Variants in SNRPF observed in about 807,000 individuals in gnomAD.
SNRPF encodes small nuclear ribonucleoprotein polypeptide F.
Under a neutral mutation model 13.4 loss-of-function variants are expected in SNRPF, and 1 was observed. That is an observed-to-expected ratio of 0.07 (90% confidence interval 0.03 to 0.35). The LOEUF (loss-of-function observed/expected upper bound fraction) is 0.35. SNRPF is among the 10% of genes least tolerant of loss of function. The pLI, the probability that SNRPF is intolerant of heterozygous loss-of-function variation, is 0.99. For synonymous variants in SNRPF, 27 were observed against 32.1 expected, an observed-to-expected ratio of 0.84 and a Z score of 0.54; for missense variants, 53 against 101.0, an observed-to-expected ratio of 0.52 and a Z score of 2.04.
At chr12:95,862,414 T>C (rs1372034780) in intron 2 of SNRPF, among the ~76,000 whole-genome samples, 2 of 152,166 alleles carry the variant, frequency 1.3e-5, no homozygotes, top group Non-Finnish European at 2.9e-5. Context: ...GGTAATTCTA[T>C]GTTTAATTTT....
Position 95,865,956 on chromosome 12 carries a change from A to C in SNRPF, c.195-49A>C, listed in dbSNP as rs756846912. The C allele has an allele frequency of 5.1e-6, 4 of 786,486 alleles. No individual in the cohort carries two copies. In the African/African-American group the frequency reaches 7.1e-5, roughly 14 times the overall value. The allele number at this position is 786,486 out of a possible 1,614,324, so 48.7% of individuals were successfully genotyped here. A position where few individuals can be genotyped will look rare whatever the true frequency, so the allele number is the denominator to read the frequency against. ...TAATAAAAATATAGTAATTCATATCATACATGGTTTCTGGTTGGAACAACA... is the reference window on the plus strand; with the variant it reads ...TAATAAAAATATAGTAATTCATATCCTACATGGTTTCTGGTTGGAACAACA... On this transcript the variant is annotated intron_variant, in intron 3 of 3. Coordinates refer to ENST00000266735, the MANE Select transcript of SNRPF (RefSeq NM_003095.5).
intron 3 of SNRPF, 56 bp downstream of exon 3, chr12:95,865,444 G>A (rs1441681582): frequency 5.3e-6 from 4 of 757,844 alleles, no homozygotes; most frequent in South Asian, 1.9e-5. Flanking sequence ...AGGAATACCT[G>A]TTCTAAATAT....
In SNRPF at chr12:95,866,052, A is replaced by G; in HGVS notation, c.242A>G (p.Asp81Gly). The change falls in exon 4 of 4, where the codon GAT becomes GGT. Residue 81 changes from aspartate (D) to glycine (G), a missense_variant. By Grantham distance (94) the Asp-to-Gly change is moderately conservative (BLOSUM62 -1). Transcript: ENST00000266735. ...YIRGVEEEEE[D>G]GEMRE ...AGAGGTGTGGAAGAAGAGGAAGAAG[A>G]TGGGGAAATGAGAGAATAGCATCTT... 1 of 1,526,284 alleles carries G rather than the reference A, an allele frequency of 6.6e-7. No individual in the cohort carries two copies. The highest frequency in any genetic ancestry group is 9.0e-7 in the Non-Finnish European group (1 of 1,112,844). 94.5% of individuals were successfully genotyped at this position (1,526,284 alleles called of 1,614,324 possible). A position where few individuals can be genotyped will look rare whatever the true frequency, so the allele number is the denominator to read the frequency against.
Position 95,859,053 on chromosome 12 carries a change from C to T in SNRPF, c.-21C>T. 1 of 1,612,810 alleles carries T rather than the reference C, an allele frequency of 6.2e-7. No homozygotes were observed. Among genetic ancestry groups the T allele is most frequent in the Non-Finnish European group, 8.5e-7 (1 of 1,179,676 alleles). ...GGCCTGGTCGGCAGAGAGTAGCCTG[C>T]AACATTCGGCCGTGGTTACGATGGT... On this transcript the variant is annotated 5_prime_UTR_variant, in exon 1 of 4. Coordinates refer to ENST00000266735, the MANE Select transcript of SNRPF (RefSeq NM_003095.5).
At chr12:95,862,845 G>A (rs890781364) in intron 2 of SNRPF, among the ~76,000 whole-genome samples, 26 of 152,126 alleles carry the variant, frequency 1.7e-4, no homozygotes, top group African/African-American at 4.6e-4. Context: ...TTATAAAATA[G>A]TTATTCTAAT....
intron 1 of SNRPF, 141 bp downstream of exon 1, chr12:95,859,217 C>A: frequency 1.5e-6 from 1 of 676,164 alleles, no homozygotes; most frequent in Non-Finnish European, 2.5e-6. Context: ...TCCTTTCACT[C>A]TGCTTTTAGG....
intron 1 of SNRPF, 23 bp downstream of exon 1, chr12:95,859,099 G>T (rs758179748): frequency 6.3e-6 from 10 of 1,599,870 alleles, no homozygotes; most frequent in Non-Finnish European, 8.6e-6. Flanking sequence ...AGAACGGCGG[G>T]AGAAGCGGGG....
intron 1 of SNRPF, among the ~76,000 whole-genome samples, chr12:95,859,700 G>A (rs947508720): frequency 1.3e-5 from 2 of 152,146 alleles, no homozygotes; most frequent in Non-Finnish European, 2.9e-5. Context: ...AAGAAAGCTT[G>A]GTCATTTGGA....
At chr12:95,862,838 T>A (rs1251000250) in intron 2 of SNRPF, among the ~76,000 whole-genome samples, 2 of 152,222 alleles carry the variant, frequency 1.3e-5, no homozygotes, top group African/African-American at 4.8e-5. Context: ...TGGGTGTTTA[T>A]AAAATAGTTA....
chr12:95,861,133 A>G, intron 1 of SNRPF, 35 bp from the exon 2 acceptor site: 3 of 1,578,076 alleles, frequency 1.9e-6, no homozygotes, highest in South Asian at 1.1e-5. Flanking sequence ...GGGAGGAAAA[A>G]TAATTAATTA....
rs1378507671 is a variant in SNRPF, at chr12:95,859,031, C to G, written c.-43C>G. On this transcript the variant is annotated 5_prime_UTR_variant, in exon 1 of 4. Coordinates refer to ENST00000266735, the MANE Select transcript of SNRPF (RefSeq NM_003095.5). ...GTAGTCACGAGGGACGGGCGGCGGC[C>G]TGGTCGGCAGAGAGTAGCCTGCAAC... The G allele has an allele frequency of 1.9e-6, 3 of 1,610,830 alleles. No individual in the cohort carries two copies. The highest frequency in any genetic ancestry group is 1.1e-5 in the South Asian group (1 of 90,178).
At chr12:95,862,066 T>C (rs915213091) in intron 2 of SNRPF, among the ~76,000 whole-genome samples, 1 of 152,232 alleles carries the variant, frequency 6.6e-6, no homozygotes. Flanking sequence ...TAACCACTAG[T>C]CTACATGTCT....
intron 2 of SNRPF, 33 bp from the exon 3 acceptor site, chr12:95,865,291 T>C: frequency 9.2e-7 from 1 of 1,091,202 alleles, no homozygotes; most frequent in South Asian, 1.3e-5. Flanking sequence ...TCCTCCTGTG[T>C]GATTATACTA....
At chr12:95,861,581 A>G (rs111913871) in intron 2 of SNRPF, 22 of 233,192 alleles carry the variant, frequency 9.4e-5, no homozygotes, top group African/African-American at 2.6e-4. Flanking sequence ...TTTGCTGGAG[A>G]AAACAAAACA....
chr12:95,861,567 C>A (rs188830357), intron 2 of SNRPF: 6 of 240,992 alleles, frequency 2.5e-5, no homozygotes, highest in South Asian at 9.4e-5. Context: ...GGGAAACACA[C>A]TACTTTGCTG....
intron 1 of SNRPF, 64 bp from the exon 2 acceptor site, chr12:95,861,104 G>C: frequency 6.7e-7 from 1 of 1,490,102 alleles, no homozygotes; most frequent in Non-Finnish European, 9.1e-7. Flanking sequence ...TGGTGATTCG[G>C]TAGAAGAGAG....
chr12:95,859,956 C>G (rs187049945), intron 1 of SNRPF, among the ~76,000 whole-genome samples: 1 of 152,044 alleles, frequency 6.6e-6, no homozygotes, highest in Admixed American at 6.5e-5. Context: ...AACTGGAGAC[C>G]CATTAGGTTA....
rs565546976 is a variant in SNRPF, at chr12:95,865,235, TC to T, written c.130-88del. ...TTTGAGTTGTTGGTATAGAAAGGTC[TC>T]AGTTAATGAGTTCTCTCACCAATAT... On this transcript the variant is annotated intron_variant, in intron 2 of 3. Coordinates refer to ENST00000266735, the MANE Select transcript of SNRPF (RefSeq NM_003095.5). 157 of 572,032 alleles carry T rather than the reference TC, an allele frequency of 2.7e-4. 1 individual carries two copies. The highest frequency in any genetic ancestry group is 2.6e-3 in the African/African-American group (138 of 53,220). The allele number at this position is 572,032 out of a possible 1,614,324, so 35.4% of individuals were successfully genotyped here. A position where few individuals can be genotyped will look rare whatever the true frequency, so the allele number is the denominator to read the frequency against.
At chr12:95,861,454 C>A in intron 2 of SNRPF, 161 bp downstream of exon 2, 1 of 526,622 alleles carries the variant, frequency 1.9e-6, no homozygotes, top group Non-Finnish European at 3.3e-6. Flanking sequence ...CTGTGATATA[C>A]TAGGTACAAG....
Sources: gnomAD v4.1 joint callset for allele counts (sites outside exome capture counted in the v4.1 genomes callset) on GRCh38, gnomAD v4.1.1 for gene constraint, MANE v1.5 for transcripts, NCBI Gene and HGNC (gene_info 2026-07-23, HGNC 2026-07-21) for gene names.